Variants in GNAQ observed in about 807,000 individuals in gnomAD.
The protein encoded by GNAQ is G protein subunit alpha q, also known as guanine nucleotide-binding protein G(q) subunit alpha.
In GNAQ, 8 loss-of-function variants were observed where a neutral mutation model predicts 43.9. The ratio of observed to expected loss-of-function variants is 0.18; its 90% CI spans 0.11 to 0.33. The LOEUF (loss-of-function observed/expected upper bound fraction) is 0.33. Ranked by LOEUF, GNAQ falls within the 10% of genes least tolerant of loss-of-function variation. GNAQ has a pLI of 1.00. For missense variants in GNAQ, 158 were observed against 450.8 expected (o/e 0.35, Z 5.88); for synonymous variants, 155 against 170.7 (o/e 0.91, Z 0.71).
intron 1 of GNAQ, among the ~76,000 whole-genome samples, chr9:78,013,721 C>A (rs1478828961): frequency 6.6e-5 from 10 of 152,202 alleles, no homozygotes; most frequent in Admixed American, 6.5e-4. Context: ...AAATAAAATA[C>A]CACAAAAAGC....
At chr9:77,740,465 G>A (rs1825635789) in intron 5 of GNAQ, among the ~76,000 whole-genome samples, 1 of 152,184 alleles carries the variant, frequency 6.6e-6, no homozygotes, top group South Asian at 2.1e-4. Context: ...GAGTAAGTTT[G>A]GAACTGAAGG....
intron 2 of GNAQ, among the ~76,000 whole-genome samples, chr9:77,887,442 A>C (rs1828326920): frequency 6.6e-6 from 1 of 152,242 alleles, no homozygotes; most frequent in Admixed American, 6.5e-5. Context: ...TTTTAGGGCC[A>C]AGCCCCAGCC....
At chr9:77,861,222 C>T (rs1478992275) in intron 2 of GNAQ, among the ~76,000 whole-genome samples, 2 of 152,176 alleles carry the variant, frequency 1.3e-5, no homozygotes, top group Non-Finnish European at 2.9e-5. Context: ...GAGTCTTATT[C>T]ACTATCACAA....
chr9:77,810,154 C>T (rs545418204), intron 3 of GNAQ, among the ~76,000 whole-genome samples: 1 of 152,106 alleles, frequency 6.6e-6, no homozygotes, highest in Non-Finnish European at 1.5e-5. Flanking sequence ...TATTTATCTA[C>T]TGATTCATCT....
At chr9:77,834,246 C>T (rs1161209707) in intron 2 of GNAQ, among the ~76,000 whole-genome samples, 2 of 152,208 alleles carry the variant, frequency 1.3e-5, no homozygotes, top group Non-Finnish European at 2.9e-5. Context: ...ATATTTTGCA[C>T]TTCCTCATCT....
intron 5 of GNAQ, among the ~76,000 whole-genome samples, chr9:77,762,453 C>G (rs1357912185): frequency 7.3e-6 from 1 of 137,178 alleles, no homozygotes; most frequent in Non-Finnish European, 1.5e-5. Flanking sequence ...CCTGGCCAGC[C>G]GCCCCATCCG....
intron 2 of GNAQ, among the ~76,000 whole-genome samples, chr9:77,886,285 T>G (rs940987272): frequency 2.6e-5 from 4 of 152,158 alleles, no homozygotes; most frequent in Admixed American, 1.3e-4. Context: ...AGCCATTTTT[T>G]AATTTGTAAA....
chr9:77,790,394 A>T (rs1826549299), intron 5 of GNAQ, among the ~76,000 whole-genome samples: 1 of 152,222 alleles, frequency 6.6e-6, no homozygotes, highest in Non-Finnish European at 1.5e-5. Context: ...ACTTTTAAAG[A>T]AAATGTTCAA....
intron 2 of GNAQ, among the ~76,000 whole-genome samples, chr9:77,868,776 A>G (rs1421978409): frequency 3.9e-5 from 6 of 152,076 alleles, no homozygotes; most frequent in Non-Finnish European, 8.8e-5. Flanking sequence ...GCCTGGTGAC[A>G]GAGCGAGACT....
chr9:77,839,311 C>G (rs899235840), intron 2 of GNAQ, among the ~76,000 whole-genome samples: 2 of 152,096 alleles, frequency 1.3e-5, no homozygotes, highest in South Asian at 4.1e-4. Flanking sequence ...TTCAGACAAC[C>G]CTTCATTAGC....
intron 1 of GNAQ, among the ~76,000 whole-genome samples, chr9:78,024,840 A>T (rs1017465498): frequency 6.9e-6 from 1 of 145,660 alleles, no homozygotes; most frequent in Non-Finnish European, 1.5e-5. Flanking sequence ...ATGCCTGGTT[A>T]AAAAAAAAAA....
intron 5 of GNAQ, among the ~76,000 whole-genome samples, chr9:77,756,082 T>C (rs529773055): frequency 2.0e-5 from 3 of 152,304 alleles, no homozygotes; most frequent in Admixed American, 6.5e-5. Flanking sequence ...CCTACATCTT[T>C]CTCCTGTGCT....
intron 2 of GNAQ, among the ~76,000 whole-genome samples, chr9:77,861,305 T>C (rs1033591894): frequency 6.6e-6 from 1 of 152,202 alleles, no homozygotes; most frequent in Non-Finnish European, 1.5e-5. Flanking sequence ...CACATGGGAA[T>C]TCAAGGTGAG....
chr9:77,723,527 C>T (rs2118198368), intron 6 of GNAQ, among the ~76,000 whole-genome samples: 1 of 152,186 alleles, frequency 6.6e-6, no homozygotes, highest in East Asian at 1.9e-4. Flanking sequence ...TCCAAGTGTC[C>T]ATCAACAGAT....
chr9:77,897,439 C>T (rs1439288022), intron 2 of GNAQ, among the ~76,000 whole-genome samples: 2 of 152,140 alleles, frequency 1.3e-5, no homozygotes, highest in Non-Finnish European at 2.9e-5. Flanking sequence ...TGAGAGGTGG[C>T]CAACTTCGAA....
At chr9:77,993,034 C>G (rs553168976) in intron 1 of GNAQ, among the ~76,000 whole-genome samples, 1 of 152,168 alleles carries the variant, frequency 6.6e-6, no homozygotes, top group African/African-American at 2.4e-5. Context: ...CTATCCTCTA[C>G]AAAACACATT....
intron 1 of GNAQ, among the ~76,000 whole-genome samples, chr9:77,966,136 T>G (rs1473161029): frequency 6.6e-6 from 1 of 152,056 alleles, no homozygotes; most frequent in Admixed American, 6.6e-5. Flanking sequence ...AAGTCTGCAG[T>G]GACAGGAATC....
At chr9:77,815,292 A>T (rs1372777058) in intron 3 of GNAQ, among the ~76,000 whole-genome samples, 1 of 152,208 alleles carries the variant, frequency 6.6e-6, no homozygotes, top group Non-Finnish European at 1.5e-5. Flanking sequence ...CAAGATTTCA[A>T]ATCACAATGG....
At chr9:77,836,308 C>T (rs965313900) in intron 2 of GNAQ, among the ~76,000 whole-genome samples, 10 of 152,218 alleles carry the variant, frequency 6.6e-5, no homozygotes, top group African/African-American at 4.8e-5. Context: ...CCTAACTGTG[C>T]TACTTAGTCA....
Sources: gnomAD v4.1 joint callset for allele counts (sites outside exome capture counted in the v4.1 genomes callset) on GRCh38, gnomAD v4.1.1 for gene constraint, MANE v1.5 for transcripts, NCBI Gene and HGNC (gene_info 2026-07-23, HGNC 2026-07-21) for gene names.